Variants in GRM8 observed in about 807,000 individuals in gnomAD.
GRM8 encodes the protein metabotropic glutamate receptor 8.
In GRM8, 47 loss-of-function variants were observed where a neutral mutation model predicts 87.2. The observed-to-expected ratio is 0.54, with a 90% CI of 0.43 to 0.69. The LOEUF (loss-of-function observed/expected upper bound fraction) is 0.69, where lower values mean the gene tolerates loss of function less well. GRM8 is among the 30% of genes least tolerant of loss of function. The pLI is 0.00. For missense variants in GRM8, 1,019 were observed against 1,139.2 expected (o/e 0.89, Z 1.52); for synonymous variants, 396 against 404.5 (o/e 0.98, Z 0.25).
chr7:126,961,222 C>T (rs1056957750), intron 3 of GRM8, among the ~76,000 whole-genome samples: 5 of 152,108 alleles, frequency 3.3e-5, no homozygotes, highest in Non-Finnish European at 7.3e-5. Flanking sequence ...TCTGGTTCAT[C>T]CTAAATAGGC....
chr7:126,610,344 A>AG (rs1475358917), intron 7 of GRM8, among the ~76,000 whole-genome samples: 1 of 152,034 alleles, frequency 6.6e-6, no homozygotes, highest in African/African-American at 2.4e-5. Context: ...AACAGCTTTT[A>AG]GGCTTCTCTA....
At chr7:126,483,820 A>G (rs1274456253) in intron 9 of GRM8, among the ~76,000 whole-genome samples, 1 of 136,984 alleles carries the variant, frequency 7.3e-6, no homozygotes, top group African/African-American at 2.7e-5. Context: ...GATACATTAA[A>G]GAGATTTTAT....
intron 3 of GRM8, among the ~76,000 whole-genome samples, chr7:127,013,401 A>C (rs754951905): frequency 8.9e-4 from 135 of 152,210 alleles, no homozygotes; most frequent in Non-Finnish European, 1.7e-3. Context: ...TAGTGTAAAC[A>C]CTTGACCCAT....
chr7:126,477,855 A>G (rs964831138), intron 9 of GRM8, among the ~76,000 whole-genome samples: 1 of 152,172 alleles, frequency 6.6e-6, no homozygotes, highest in Admixed American at 6.5e-5. Flanking sequence ...GAAACAACAG[A>G]AGCTTCTTTT....
At chr7:127,106,782 T>G in intron 2 of GRM8, 70 bp from the exon 3 acceptor site, 1 of 1,123,944 alleles carries the variant, frequency 8.9e-7, no homozygotes, top group Non-Finnish European at 1.4e-6. Flanking sequence ...TCATATGAGC[T>G]AAACAGCCAA....
intron 3 of GRM8, among the ~76,000 whole-genome samples, chr7:127,059,450 C>G (rs1302287354): frequency 6.6e-6 from 1 of 151,584 alleles, no homozygotes; most frequent in African/African-American, 2.4e-5. Context: ...GATTCTCCTG[C>G]CTCAGCCTCC....
At chr7:126,456,786 G>A (rs762566742) in intron 9 of GRM8, among the ~76,000 whole-genome samples, 2 of 151,382 alleles carry the variant, frequency 1.3e-5, no homozygotes, top group African/African-American at 2.4e-5. Context: ...CCGACTAGTA[G>A]AAAATTGAAG....
At chr7:126,587,994 C>T (rs1469340984) in intron 8 of GRM8, among the ~76,000 whole-genome samples, 1 of 151,798 alleles carries the variant, frequency 6.6e-6, no homozygotes, top group Non-Finnish European at 1.5e-5. Context: ...ATGACAACTG[C>T]GGTCTCCTCT....
At chr7:127,070,454 C>G (rs1184189172) in intron 3 of GRM8, among the ~76,000 whole-genome samples, 1 of 152,126 alleles carries the variant, frequency 6.6e-6, no homozygotes, top group African/African-American at 2.4e-5. Context: ...CAGCTTTGAA[C>G]AGTAAAAATG....
intron 3 of GRM8, among the ~76,000 whole-genome samples, chr7:127,028,342 C>T (rs1316753145): frequency 2.0e-5 from 3 of 152,118 alleles, no homozygotes; most frequent in African/African-American, 4.8e-5. Flanking sequence ...ATGATGCTGG[C>T]CTCATAAAAT....
chr7:127,186,934 T>A (rs1432829391), intron 2 of GRM8, among the ~76,000 whole-genome samples: 1 of 152,152 alleles, frequency 6.6e-6, no homozygotes, highest in Non-Finnish European at 1.5e-5. Context: ...AAGTGTTTCA[T>A]GAGGTGAGGG....
At chr7:127,163,917 G>A (rs1793281311) in intron 2 of GRM8, among the ~76,000 whole-genome samples, 1 of 152,102 alleles carries the variant, frequency 6.6e-6, no homozygotes, top group Admixed American at 6.6e-5. Flanking sequence ...GGAGGAATGA[G>A]CAGAGAATAT....
chr7:126,520,486 C>A (rs1315457476), intron 9 of GRM8, among the ~76,000 whole-genome samples: 5 of 151,986 alleles, frequency 3.3e-5, no homozygotes, highest in Non-Finnish European at 4.4e-5. Context: ...GAGGAAAGCA[C>A]GAATGCAGCT....
intron 2 of GRM8, among the ~76,000 whole-genome samples, chr7:127,161,063 C>A (rs1009137192): frequency 6.6e-6 from 1 of 152,080 alleles, no homozygotes. Flanking sequence ...CTGTACTGTT[C>A]CGAGTTGCTT....
At chr7:126,504,404 T>G (rs2150711245) in intron 9 of GRM8, among the ~76,000 whole-genome samples, 1 of 152,218 alleles carries the variant, frequency 6.6e-6, no homozygotes, top group South Asian at 2.1e-4. Context: ...CTTTTTCTAC[T>G]GATTTATTTA....
At chr7:126,865,524 G>A (rs1045830553) in intron 6 of GRM8, among the ~76,000 whole-genome samples, 13 of 152,094 alleles carry the variant, frequency 8.5e-5, no homozygotes, top group African/African-American at 2.7e-4. Context: ...ATTTTAGAAC[G>A]TTTTTATTAC....
rs1206046799 is a variant in GRM8 at position 127,122,048 on chromosome 7, G to T, written c.511-15336C>A. 4.6e-5 allele frequency among the ~76,000 whole-genome samples: 7 copies of T among 152,300 alleles called. No homozygotes were observed. In the South Asian group the frequency reaches 6.2e-4, roughly 14 times the overall value. ...GTTCATTTCACTTCAGTTTTGAAGA[G>T]CAAATTCATTTCATACACCTACTTT... On this transcript the variant is annotated intron_variant, in intron 2 of 10. Coordinates refer to ENST00000339582, the MANE Select transcript of GRM8 (RefSeq NM_000845.3).
At chr7:127,003,153 A>T (rs1025828635) in intron 3 of GRM8, among the ~76,000 whole-genome samples, 4 of 151,774 alleles carry the variant, frequency 2.6e-5, no homozygotes, top group African/African-American at 9.7e-5. Context: ...AATCAAATGT[A>T]TCATAATGTA....
chr7:127,187,658 C>A (rs1049498829), intron 2 of GRM8, among the ~76,000 whole-genome samples: 4 of 151,934 alleles, frequency 2.6e-5, no homozygotes, highest in African/African-American at 7.3e-5. Flanking sequence ...TCTTTCTCTG[C>A]ATGATTTTTG....
Sources: allele counts gnomAD v4.1 joint callset (sites outside exome capture counted in the v4.1 genomes callset), GRCh38; gene constraint gnomAD v4.1.1; transcripts MANE v1.5; gene names NCBI Gene and HGNC (gene_info 2026-07-23, HGNC 2026-07-21).